The following ZNF385D variants were observed in gnomAD, a reference collection of about 807,000 sequenced individuals.
ZNF385D encodes the protein zinc finger protein 385D, also known as zinc finger protein 659.
In ZNF385D, 15 loss-of-function variants were observed where a neutral mutation model predicts 35.8. The ratio of observed to expected loss-of-function variants is 0.42; its 90% CI spans 0.28 to 0.64. The LOEUF (loss-of-function observed/expected upper bound fraction) is 0.64, where lower values mean the gene tolerates loss of function less well. Ranked by LOEUF, ZNF385D falls within the 30% of genes least tolerant of loss-of-function variation. ZNF385D has a pLI of 0.23. For missense variants in ZNF385D, 474 were observed against 494.6 expected, an observed-to-expected ratio of 0.96 and a Z score of 0.39; for synonymous variants, 212 against 186.8, an observed-to-expected ratio of 1.13 and a Z score of -1.10.
At chr3:22,106,581 G>GTC (rs960002427) in intron 3 of ZNF385D, among the ~76,000 whole-genome samples, 1 of 152,208 alleles carries the variant, frequency 6.6e-6, no homozygotes, top group South Asian at 2.1e-4. Context: ...GTCAGCTTGA[G>GTC]TCTCTCTCTC....
chr3:22,008,636 G>A (rs1331998984), intron 3 of ZNF385D, among the ~76,000 whole-genome samples: 1 of 152,256 alleles, frequency 6.6e-6, no homozygotes, highest in East Asian at 1.9e-4. Context: ...GATTACAGGC[G>A]TGAGCCACCG....
At chr3:21,859,560 G>A (rs1295505387) in intron 3 of ZNF385D, among the ~76,000 whole-genome samples, 1 of 151,932 alleles carries the variant, frequency 6.6e-6, no homozygotes, top group Non-Finnish European at 1.5e-5. Flanking sequence ...AAAACAGCAT[G>A]TCTCATGCCA....
rs528753478 is a variant in ZNF385D at position 21,540,254 on chromosome 3, A to C, written c.276+24320T>G. 1.7e-4 allele frequency among the ~76,000 whole-genome samples: 26 copies of C among 152,340 alleles called. No homozygotes were observed. The South Asian group carries it at 5.4e-3, about 32-fold the overall frequency. On this transcript the variant is annotated intron_variant, in intron 3 of 7. Transcript: ENST00000281523. Reference sequence around the variant, plus strand: ...CACAAACAATCAAGCAAATTTTGAGAGCTATTTTGGTAGAATATTTTATAT... The same window carrying C: ...CACAAACAATCAAGCAAATTTTGAGCGCTATTTTGGTAGAATATTTTATAT...
chr3:22,346,614 A>G (rs1559533106), intron 2 of ZNF385D, among the ~76,000 whole-genome samples: 1 of 152,200 alleles, frequency 6.6e-6, no homozygotes. Context: ...TTTTAATCTA[A>G]ACCCAGGCAG....
At chr3:22,105,713 A>G (rs1161157979) in intron 3 of ZNF385D, among the ~76,000 whole-genome samples, 1 of 152,070 alleles carries the variant, frequency 6.6e-6, no homozygotes, top group Non-Finnish European at 1.5e-5. Context: ...TTTTTGTTCT[A>G]TTAAGGTCCT....
In ZNF385D at chr3:21,743,593, C is replaced by G. The variant is rs185271184; in HGVS notation, c.22+7302G>C. Among the ~76,000 whole-genome samples, 5 of 152,318 alleles carry G rather than the reference C, an allele frequency of 3.3e-5. No homozygotes were observed. The East Asian group carries it at 9.7e-4, about 29-fold the overall frequency. On this transcript the variant is annotated intron_variant, in intron 1 of 7. Transcript: ENST00000281523. The stretch of plus-strand genomic sequence containing the variant: ...AGCAGTTACGTTCTTGCTACAGCCT[C>G]AAATGGTGGAAAGAGGAAGCTCTCA...
intron 1 of ZNF385D, among the ~76,000 whole-genome samples, chr3:21,737,916 G>A (rs2069324056): frequency 1.3e-5 from 2 of 152,192 alleles, no homozygotes; most frequent in African/African-American, 4.8e-5. Flanking sequence ...ACATCTCCTA[G>A]CTCACAGCAC....
rs551144357 is a variant in ZNF385D at position 21,724,358 on chromosome 3, CA to C, written c.22+26536del. On this transcript the variant is annotated intron_variant, in intron 1 of 7. Transcript: ENST00000281523. ...CCCAATTAAAAGACACACAATGGCA[CA>C]TTGCATAGAGTCAAGACCCATCAAT... Among the ~76,000 whole-genome samples, 308 of 151,516 alleles carry C rather than the reference CA, an allele frequency of 2.0e-3. 2 individuals carry two copies. The highest frequency in any genetic ancestry group is 7.1e-3 in the African/African-American group (293 of 41,242).
intron 2 of ZNF385D, among the ~76,000 whole-genome samples, chr3:22,182,271 C>T (rs997169771): frequency 9.2e-5 from 14 of 151,984 alleles, no homozygotes; most frequent in African/African-American, 3.4e-4. Context: ...AAATATTTGT[C>T]AAGAAAATGT....
rs2125232974 is a variant in ZNF385D, at chr3:21,418,626, T to C, written c.*2588A>G. On this transcript the variant is annotated 3_prime_UTR_variant, in exon 8 of 8. Coordinates refer to ENST00000281523, the MANE Select transcript of ZNF385D (RefSeq NM_024697.3). ...GTTCCCAGCAAATCATTAAAGACAG[T>C]AATGCCTTGTGACCCAGGACACTGT... 6.6e-6 allele frequency: 1 copy of C among 152,310 alleles called. No homozygotes were observed. The highest frequency in any genetic ancestry group is 2.1e-4 in the South Asian group (1 of 4,826). The allele number at this position is 152,310 out of a possible 1,614,324, so 9.4% of individuals were successfully genotyped here.
intron 3 of ZNF385D, among the ~76,000 whole-genome samples, chr3:22,098,075 G>A (rs1337138749): frequency 1.3e-5 from 2 of 152,008 alleles, no homozygotes; most frequent in Non-Finnish European, 2.9e-5. Flanking sequence ...AAGAGGTGGT[G>A]GTAGTGGTGG....
intron 2 of ZNF385D, among the ~76,000 whole-genome samples, chr3:22,203,365 G>C (rs1696933537): frequency 6.6e-6 from 1 of 152,128 alleles, no homozygotes; most frequent in Non-Finnish European, 1.5e-5. Context: ...AAGAGTCCCT[G>C]AGTCTTGAAT....
chr3:22,212,531 T>G (rs560384680), intron 2 of ZNF385D, among the ~76,000 whole-genome samples: 1 of 152,048 alleles, frequency 6.6e-6, no homozygotes, highest in East Asian at 1.9e-4. Context: ...CTCTTGGAAT[T>G]AATATGTCTC....
chr3:21,820,961 TA>T (rs2073369596), intron 3 of ZNF385D, among the ~76,000 whole-genome samples: 1 of 150,644 alleles, frequency 6.6e-6, no homozygotes, highest in Non-Finnish European at 1.5e-5. Flanking sequence ...TCTAGAAAAA[TA>T]TTAATTACAA....
Position 21,620,998 on chromosome 3 carries a change from GCA to G in ZNF385D, c.165+43886_165+43887del, listed in dbSNP as rs112953905. 5.6e-3 allele frequency among the ~76,000 whole-genome samples: 847 copies of G among 150,604 alleles called. 6 individuals are homozygous for G. Among genetic ancestry groups the G allele is most frequent in the African/African-American group, 0.018 (725 of 41,142 alleles). Reference sequence around the variant, plus strand: ...CACAGGCATGCACATGTGTGTGTGCGCACACACACACACACACAATTTTCTGA... The same window carrying G: ...CACAGGCATGCACATGTGTGTGTGCGCACACACACACACACAATTTTCTGA... On this transcript the variant is annotated intron_variant, in intron 2 of 7. Transcript: ENST00000281523.
At chr3:22,234,646 A>T (rs144067896) in intron 2 of ZNF385D, among the ~76,000 whole-genome samples, 1 of 151,994 alleles carries the variant, frequency 6.6e-6, no homozygotes, top group African/African-American at 2.4e-5. Context: ...TACTTAAGGG[A>T]TATATTCCCT....
intron 3 of ZNF385D, among the ~76,000 whole-genome samples, chr3:21,895,041 C>T (rs1455036514): frequency 1.3e-5 from 2 of 152,000 alleles, no homozygotes; most frequent in Non-Finnish European, 2.9e-5. Context: ...AGCAGATAGG[C>T]CAGGGAGAGC....
chr3:21,874,941 T>C (rs2125853174), intron 3 of ZNF385D, among the ~76,000 whole-genome samples: 1 of 152,186 alleles, frequency 6.6e-6, no homozygotes, highest in Middle Eastern at 3.4e-3. Flanking sequence ...TATAAGGCTT[T>C]GTGTTCTTAA....
chr3:21,718,481 T>A (rs2068414370), intron 1 of ZNF385D, among the ~76,000 whole-genome samples: 1 of 152,240 alleles, frequency 6.6e-6, no homozygotes, highest in Non-Finnish European at 1.5e-5. Flanking sequence ...TCTAAGCACT[T>A]ACTACGTGCC....
Sources: gnomAD v4.1 joint callset for allele counts (sites outside exome capture counted in the v4.1 genomes callset) on GRCh38, gnomAD v4.1.1 for gene constraint, MANE v1.5 for transcripts, NCBI Gene and HGNC (gene_info 2026-07-23, HGNC 2026-07-21) for gene names.